The following GPR161 variants were observed in gnomAD, a reference collection of about 807,000 sequenced individuals.
GPR161 encodes G-protein coupled receptor RE2.
A neutral mutation model predicts 39.2 loss-of-function variants in GPR161; 25 were observed. The observed-to-expected ratio is 0.64, with a 90% confidence interval of 0.47 to 0.89. The LOEUF (loss-of-function observed/expected upper bound fraction) is 0.89. Ranked by LOEUF, GPR161 falls within the 40% of genes least tolerant of loss-of-function variation. The pLI is 0.00. For missense variants in GPR161, 547 were observed against 677.8 expected, an observed-to-expected ratio of 0.81 and a Z score of 2.14; for synonymous variants, 286 against 276.6, an observed-to-expected ratio of 1.03 and a Z score of -0.34.
chr1:168,131,284 G>A (rs1347819296), intron 1 of GPR161, among the ~76,000 whole-genome samples: 1 of 150,422 alleles, frequency 6.6e-6, no homozygotes, highest in Non-Finnish European at 1.5e-5. Context: ...TACACAGCCA[G>A]ACCATTTCAT....
intron 1 of GPR161, among the ~76,000 whole-genome samples, chr1:168,124,757 G>A (rs1698462184): frequency 1.3e-5 from 2 of 152,172 alleles, no homozygotes; most frequent in Non-Finnish European, 2.9e-5. Context: ...AGGTGTCTGG[G>A]TCATGGGGGC....
At chr1:168,119,277 T>TACATATATATATATGTATAC (rs1558130296) in intron 1 of GPR161, among the ~76,000 whole-genome samples, 2 of 130,766 alleles carry the variant, frequency 1.5e-5, no homozygotes, top group African/African-American at 6.9e-5. Context: ...TGTGTATATA[T>TACATATATATATATGTATAC]ATATATATAT....
At chr1:168,092,461 A>G (rs1695155843) in intron 3 of GPR161, among the ~76,000 whole-genome samples, 1 of 152,206 alleles carries the variant, frequency 6.6e-6, no homozygotes, top group Non-Finnish European at 1.5e-5. Context: ...GTGTTTATGC[A>G]GCATTTACCA....
chr1:168,116,377 A>C (rs1697632195), intron 1 of GPR161, among the ~76,000 whole-genome samples: 1 of 152,206 alleles, frequency 6.6e-6, no homozygotes, highest in South Asian at 2.1e-4. Flanking sequence ...GTCCAGGTGA[A>C]ATCACCCTGC....
intron 3 of GPR161, 139 bp downstream of exon 3, chr1:168,096,369 T>C (rs1351538610): frequency 3.5e-6 from 3 of 866,100 alleles, no homozygotes; most frequent in South Asian, 1.8e-5. Flanking sequence ...CTCTGGAATG[T>C]TTCTTCCGAA....
rs112973198 is a variant in GPR161, at chr1:168,085,267, G to GTTTT, written c.*260_*263dup. 4.2e-6 allele frequency: 2 copies of GTTTT among 475,960 alleles called. No individual in the cohort carries two copies. The highest frequency in any genetic ancestry group is 4.0e-5 in the African/African-American group (2 of 49,984). 29.5% of individuals were successfully genotyped at this position (475,960 alleles called of 1,614,324 possible). ...AGCCACATCTCTAGATTTTTTTTTGGTTTTTTTTTTGCTTTAGATGCTTCT... is the reference window on the plus strand; with the variant it reads ...AGCCACATCTCTAGATTTTTTTTTGGTTTTTTTTTTTTTTGCTTTAGATGCTTCT... On this transcript the variant is annotated 3_prime_UTR_variant, in exon 6 of 6. Transcript: ENST00000682931.
Position 168,084,452 on chromosome 1 carries a change from G to C in GPR161, c.*1079C>G. ...TACAGAGGACCTAGAAAGGTGACAAGATGTCCAAATGACATGTGCACACAA... is the reference window on the plus strand; with the variant it reads ...TACAGAGGACCTAGAAAGGTGACAACATGTCCAAATGACATGTGCACACAA... On this transcript the variant is annotated 3_prime_UTR_variant, in exon 6 of 6. Coordinates refer to ENST00000682931, the MANE Select transcript of GPR161 (RefSeq NM_001375883.1). 1 of 277,594 alleles carries C rather than the reference G, an allele frequency of 3.6e-6. No individual in the cohort carries two copies. The highest frequency in any genetic ancestry group is 3.5e-5 in the South Asian group (1 of 28,736). The allele number at this position is 277,594 out of a possible 1,614,324, so 17.2% of individuals were successfully genotyped here.
rs10670498 is a variant in GPR161, at chr1:168,108,486, TAAAAAA to T, written c.-44-3598_-44-3593del. ...ATTTTATCCACTGAGGCCCTAGTTGTAAAAAAAAAAAAAAAAAAAAAAAAAACTGGA... is the reference window on the plus strand; with the variant it reads ...ATTTTATCCACTGAGGCCCTAGTTGTAAAAAAAAAAAAAAAAAAAACTGGA... On this transcript the variant is annotated intron_variant, in intron 1 of 5. Transcript: ENST00000682931. 8.5e-3 allele frequency among the ~76,000 whole-genome samples: 149 copies of T among 17,466 alleles called. 2 individuals are homozygous for T. Among genetic ancestry groups the T allele is most frequent in the South Asian group, 0.073 (12 of 164 alleles). 11.5% of individuals were successfully genotyped at this position (17,466 alleles called of 152,430 possible).
At chr1:168,134,362 G>A (rs991951337) in intron 1 of GPR161, among the ~76,000 whole-genome samples, 2 of 152,212 alleles carry the variant, frequency 1.3e-5, no homozygotes, top group East Asian at 3.8e-4. Flanking sequence ...AAAACTAGTT[G>A]TAAGCCTTTT....
intron 1 of GPR161, among the ~76,000 whole-genome samples, chr1:168,112,813 C>T (rs1455055551): frequency 6.6e-6 from 1 of 152,134 alleles, no homozygotes; most frequent in Non-Finnish European, 1.5e-5. Context: ...GCTGAGATCG[C>T]ACCACTGCAC....
At chr1:168,109,507 G>C (rs1427539808) in intron 1 of GPR161, among the ~76,000 whole-genome samples, 1 of 152,176 alleles carries the variant, frequency 6.6e-6, no homozygotes, top group Non-Finnish European at 1.5e-5. Context: ...TAAAGAGTAG[G>C]TTCTAGAAGG....
In GPR161 at chr1:168,079,758, G is replaced by C. The variant is rs937337617; in HGVS notation, c.*5773C>G. On this transcript the variant is annotated 3_prime_UTR_variant, in exon 6 of 6. Transcript: ENST00000682931. ...TTCTTCATCCAGCGGTCTATTATGAGAACACAACACAGTCCTCTGTCCCTT... is the reference window on the plus strand; with the variant it reads ...TTCTTCATCCAGCGGTCTATTATGACAACACAACACAGTCCTCTGTCCCTT... 6 of 152,092 alleles carry C rather than the reference G, an allele frequency of 3.9e-5. No homozygotes were observed. Among genetic ancestry groups the C allele is most frequent in the African/African-American group, 1.4e-4 (6 of 41,414 alleles). The allele number at this position is 152,092 out of a possible 1,614,324, so 9.4% of individuals were successfully genotyped here.
In GPR161 at chr1:168,083,240, C is replaced by G. The variant is rs1461964005; in HGVS notation, c.*2291G>C. On this transcript the variant is annotated 3_prime_UTR_variant, in exon 6 of 6. Transcript: ENST00000682931. Reference sequence around the variant, plus strand: ...GTAGACGACTAAATGAATTGGACCTCAGTAAAAAAAGGGAAACACAGTGAA... The same window carrying G: ...GTAGACGACTAAATGAATTGGACCTGAGTAAAAAAAGGGAAACACAGTGAA... The G allele has an allele frequency of 6.6e-6, 1 of 152,032 alleles. No homozygotes were observed. Among genetic ancestry groups the G allele is most frequent in the African/African-American group, 2.4e-5 (1 of 41,400 alleles). The allele number at this position is 152,032 out of a possible 1,614,324, so 9.4% of individuals were successfully genotyped here.
intron 1 of GPR161, among the ~76,000 whole-genome samples, chr1:168,117,929 G>T (rs1311136593): frequency 6.6e-6 from 1 of 152,160 alleles, no homozygotes; most frequent in Non-Finnish European, 1.5e-5. Context: ...TGAAGATGTA[G>T]TAAGTATAAA....
At chr1:168,114,140 T>C (rs1697435690) in intron 1 of GPR161, among the ~76,000 whole-genome samples, 1 of 152,230 alleles carries the variant, frequency 6.6e-6, no homozygotes, top group Non-Finnish European at 1.5e-5. Context: ...TTCTTTCTAT[T>C]ATTTAATTGT....
intron 2 of GPR161, among the ~76,000 whole-genome samples, chr1:168,099,010 TG>T: frequency 6.6e-6 from 1 of 152,358 alleles, no homozygotes; most frequent in Middle Eastern, 3.4e-3. Flanking sequence ...ATCACAGGTC[TG>T]CTCCTAGGAA....
chr1:168,085,519 ACCCTGAGG>A lies in GPR161; in HGVS notation c.*4_*11del. The A allele has an allele frequency of 6.2e-7, 1 of 1,602,780 alleles. No homozygotes were observed. Among genetic ancestry groups the A allele is most frequent in the South Asian group, 1.1e-5 (1 of 90,634 alleles). ...GCCTCTCAGGCTGCAGCCCCACGGC[ACCCTGAGG>A]CCCTCATCTCTGCTCGGCAGCTAAA... On this transcript the variant is annotated 3_prime_UTR_variant, in exon 6 of 6. Coordinates refer to ENST00000682931, the MANE Select transcript of GPR161 (RefSeq NM_001375883.1).
chr1:168,136,380 C>A (rs1237817206), intron 1 of GPR161: 2 of 1,426,634 alleles, frequency 1.4e-6, no homozygotes, highest in African/African-American at 1.5e-5. Context: ...CCCGGGCACG[C>A]ACCTACGCCC....
At chr1:168,137,256 G>T (rs934911412), upstream of GPR161, 17 of 1,487,494 alleles carry the variant, frequency 1.1e-5, no homozygotes, top group Non-Finnish European at 1.5e-5. Context: ...AGTTCCAGCC[G>T]CTGGGACGTC....
Sources: gnomAD v4.1 joint callset for allele counts (sites outside exome capture counted in the v4.1 genomes callset) on GRCh38, gnomAD v4.1.1 for gene constraint, MANE v1.5 for transcripts, NCBI Gene and HGNC (gene_info 2026-07-23, HGNC 2026-07-21) for gene names.